The following GOLPH3 variants were observed in gnomAD, a reference collection of about 807,000 sequenced individuals.
GOLPH3 encodes the protein coat protein GPP34.
In GOLPH3, 14 loss-of-function variants were observed where a neutral mutation model predicts 28.5. The observed-to-expected ratio is 0.49, with a 90% CI of 0.32 to 0.77. The LOEUF (loss-of-function observed/expected upper bound fraction) is 0.77. GOLPH3 is among the 30% of genes least tolerant of loss of function. The pLI is 0.03. For missense variants in GOLPH3, 350 were observed against 393.7 expected (o/e 0.89, Z 0.94); for synonymous variants, 158 against 159.2 (o/e 0.99, Z 0.06).
At chr5:32,149,738 T>C (rs575624245) in intron 1 of GOLPH3, among the ~76,000 whole-genome samples, 2 of 152,344 alleles carry the variant, frequency 1.3e-5, no homozygotes, top group South Asian at 4.1e-4. Flanking sequence ...GGCTCACGCC[T>C]GTAATCTCAG....
At chr5:32,130,249 G>C (rs749929190) in intron 3 of GOLPH3, among the ~76,000 whole-genome samples, 3 of 152,146 alleles carry the variant, frequency 2.0e-5, no homozygotes, top group Non-Finnish European at 2.9e-5. Flanking sequence ...GCAGGTGTTA[G>C]GCAGCCTAAG....
intron 2 of GOLPH3, 120 bp downstream of exon 2, chr5:32,143,629 A>G (rs1431136584): frequency 3.4e-6 from 3 of 874,762 alleles, no homozygotes; most frequent in East Asian, 5.7e-5. Context: ...TGGAAATACA[A>G]TTGAAGAAAG....
rs765358523 is a variant in GOLPH3, at chr5:32,173,926, C to T, written c.109G>A (p.Glu37Lys). 13 of 1,494,070 alleles carry T rather than the reference C, an allele frequency of 8.7e-6. No individual in the cohort carries two copies. Among genetic ancestry groups the T allele is most frequent in the Non-Finnish European group, 1.2e-5 (13 of 1,127,002 alleles). 92.6% of individuals were successfully genotyped at this position (1,494,070 alleles called of 1,614,324 possible). A position where few individuals can be genotyped will look rare whatever the true frequency, so the allele number is the denominator to read the frequency against. The change falls in exon 1 of 4, where the codon GAG (glutamate) becomes AAG (lysine). Residue 37 changes from glutamate (E) to lysine (K), a missense_variant. By Grantham distance (56) the Glu-to-Lys change is moderately conservative. Coordinates refer to ENST00000265070, the MANE Select transcript of GOLPH3 (RefSeq NM_022130.4). ...TCGCGGCGGCTCTGCGCGTCGTCCT[C>T]GCTGCTGCCGGCGCCGCCGCCCGCC... ...RAAGGGAGSS[E>K]DDAQSRRDEQ...
At chr5:32,173,673 G>A in intron 1 of GOLPH3, 137 bp downstream of exon 1, 3 of 515,638 alleles carry the variant, frequency 5.8e-6, no homozygotes, top group East Asian at 3.8e-5. Flanking sequence ...TCAGCTGGGC[G>A]CCACCAGGCG....
Position 32,140,777 on chromosome 5 carries a change from A to G in GOLPH3, c.357+2972T>C, listed in dbSNP as rs535559808. 2.7e-5 allele frequency among the ~76,000 whole-genome samples: 4 copies of G among 150,384 alleles called. No homozygotes were observed. The South Asian group carries it at 8.4e-4, about 32-fold the overall frequency. On this transcript the variant is annotated intron_variant, in intron 2 of 3. Transcript: ENST00000265070. ...GATCATACCAACCACCCTCCTGCCC[A>G]GGCAATGGAGTGAGACTCTGTCTCC...
intron 2 of GOLPH3, among the ~76,000 whole-genome samples, chr5:32,142,843 C>T (rs191372050): frequency 1.4e-5 from 2 of 146,198 alleles, no homozygotes; most frequent in African/African-American, 2.6e-5. Flanking sequence ...GTCAGCCCCC[C>T]GCCCGGCCAG....
chr5:32,143,201 T>C (rs1051308276), intron 2 of GOLPH3, among the ~76,000 whole-genome samples: 3 of 152,162 alleles, frequency 2.0e-5, no homozygotes, highest in African/African-American at 7.2e-5. Flanking sequence ...CAGGGTTGAA[T>C]GGATTAAGGG....
intron 3 of GOLPH3, among the ~76,000 whole-genome samples, chr5:32,131,808 G>A (rs761859742): frequency 1.3e-5 from 2 of 152,170 alleles, no homozygotes; most frequent in Non-Finnish European, 2.9e-5. Flanking sequence ...TCATTTCACT[G>A]CAAAGAACAC....
Position 32,125,845 on chromosome 5 carries a change from T to C in GOLPH3, c.*367A>G, listed in dbSNP as rs188223223. On this transcript the variant is annotated 3_prime_UTR_variant, in exon 4 of 4. Coordinates refer to ENST00000265070, the MANE Select transcript of GOLPH3 (RefSeq NM_022130.4). ...ACTTCTGTCTGAACTGTAGGCAGAA[T>C]GCTAGATGTACATGCACATATGGAG... The C allele has an allele frequency of 8.6e-5, 16 of 185,298 alleles. No homozygotes were observed. Among genetic ancestry groups the C allele is most frequent in the African/African-American group, 3.5e-4 (15 of 42,380 alleles). The allele number at this position is 185,298 out of a possible 1,614,324, so 11.5% of individuals were successfully genotyped here.
At position 32,173,879 on chromosome 5, in the gene GOLPH3, C is replaced by A. The variant is rs1337381306; in HGVS notation, c.156G>T (p.Lys52Asn). 6.5e-7 allele frequency: 1 copy of A among 1,528,148 alleles called. No individual in the cohort carries two copies. The highest frequency in any genetic ancestry group is 8.8e-7 in the Non-Finnish European group (1 of 1,140,944). 94.7% of individuals were successfully genotyped at this position (1,528,148 alleles called of 1,614,324 possible). A position where few individuals can be genotyped will look rare whatever the true frequency, so the allele number is the denominator to read the frequency against. Residue 52 changes from lysine (K) to asparagine (N), a missense_variant, in exon 1 of 4, where the codon AAG becomes AAT. Coordinates refer to ENST00000265070, the MANE Select transcript of GOLPH3 (RefSeq NM_022130.4). ...SRRDEQDDDD[K>N]GDSKETRLTL... ...TCAGCCGCGTTTCCTTGGAGTCGCCCTTGTCGTCGTCGTCCTGCTCGTCGC... is the reference window on the plus strand; with the variant it reads ...TCAGCCGCGTTTCCTTGGAGTCGCCATTGTCGTCGTCGTCCTGCTCGTCGC...
intron 2 of GOLPH3, among the ~76,000 whole-genome samples, chr5:32,140,626 T>G (rs1746035304): frequency 6.7e-6 from 1 of 148,902 alleles, no homozygotes; most frequent in African/African-American, 2.5e-5. Context: ...TGGCACCAAC[T>G]GCACTCCAGC....
chr5:32,127,217 A>G (rs1275284944), intron 3 of GOLPH3, among the ~76,000 whole-genome samples: 4 of 152,198 alleles, frequency 2.6e-5, no homozygotes, highest in Non-Finnish European at 5.9e-5. Flanking sequence ...AAATAAAACC[A>G]AACGATTTTT....
intron 1 of GOLPH3, among the ~76,000 whole-genome samples, chr5:32,170,907 G>C (rs1454691584): frequency 6.6e-6 from 1 of 150,868 alleles, no homozygotes; most frequent in East Asian, 1.9e-4. Flanking sequence ...TAAAAAAAAA[G>C]AGAAAAAATT....
At chr5:32,133,210 G>A (rs1264742101) in intron 3 of GOLPH3, among the ~76,000 whole-genome samples, 1 of 152,184 alleles carries the variant, frequency 6.6e-6, no homozygotes, top group African/African-American at 2.4e-5. Context: ...TGGGGACAGT[G>A]CAACAGCAGC....
Position 32,129,136 on chromosome 5 carries a change from T to C in GOLPH3, c.473-2500A>G, listed in dbSNP as rs548383642. 3.9e-5 allele frequency among the ~76,000 whole-genome samples: 6 copies of C among 152,212 alleles called. No homozygotes were observed. The East Asian group carries it at 9.6e-4, about 24-fold the overall frequency. On this transcript the variant is annotated intron_variant, in intron 3 of 3. Transcript: ENST00000265070. ...GGCGGAGGTTGCAGTGAGCCGAGAT[T>C]GCACCACTGCACTCTAGCCTGGGTG...
intron 1 of GOLPH3, among the ~76,000 whole-genome samples, chr5:32,164,776 A>T (rs1434404633): frequency 6.6e-6 from 1 of 152,096 alleles, no homozygotes; most frequent in Non-Finnish European, 1.5e-5. Context: ...GGAATACATA[A>T]TTTACTTAAT....
intron 1 of GOLPH3, among the ~76,000 whole-genome samples, chr5:32,159,085 T>C (rs1345471447): frequency 6.6e-6 from 1 of 152,240 alleles, no homozygotes; most frequent in East Asian, 1.9e-4. Context: ...TCCAAAGCCC[T>C]GGCTCCTTTT....
intron 1 of GOLPH3, among the ~76,000 whole-genome samples, chr5:32,158,019 A>ATAC (rs1161775486): frequency 4.3e-5 from 1 of 23,218 alleles, no homozygotes; most frequent in East Asian, 8.2e-4. Flanking sequence ...ATAAATAAAT[A>ATAC]AAATACACAC....
At chr5:32,143,642 A>T (rs1746131349) in intron 2 of GOLPH3, 107 bp downstream of exon 2, 1 of 988,516 alleles carries the variant, frequency 1.0e-6, no homozygotes, top group East Asian at 2.8e-5. Context: ...GAAGAAAGAC[A>T]ACTTTAATAT....
Sources: gnomAD v4.1 joint callset for allele counts (sites outside exome capture counted in the v4.1 genomes callset) on GRCh38, gnomAD v4.1.1 for gene constraint, MANE v1.5 for transcripts, NCBI Gene and HGNC (gene_info 2026-07-23, HGNC 2026-07-21) for gene names.